PRKN: variants seen among roughly 807,000 people sequenced by gnomAD.
PRKN encodes parkin RBR E3 ubiquitin protein ligase.
In PRKN, 56 loss-of-function variants were observed where a neutral mutation model predicts 59.5. That is an observed-to-expected ratio of 0.94 (90% CI 0.76 to 1.18). The LOEUF (loss-of-function observed/expected upper bound fraction) is 1.18. Ranked by LOEUF, PRKN falls within the 50% of genes most tolerant of loss-of-function variation. The pLI, the probability that PRKN is intolerant of heterozygous loss-of-function variation, is 0.00. For missense variants in PRKN, 657 were observed against 596.4 expected (o/e 1.10, Z -1.06); for synonymous variants, 250 against 222.1 (o/e 1.13, Z -1.12).
chr6:161,757,880 T>TACACACACAC (rs1240058288), intron 7 of PRKN, among the ~76,000 whole-genome samples: 2 of 96,842 alleles, frequency 2.1e-5, no homozygotes, highest in African/African-American at 9.5e-5. Flanking sequence ...TCTGTGTATA[T>TACACACACAC]ATATATACAC....
chr6:162,352,902 T>C (rs1297055430), intron 2 of PRKN, among the ~76,000 whole-genome samples: 1 of 152,154 alleles, frequency 6.6e-6, no homozygotes, highest in Non-Finnish European at 1.5e-5. Context: ...TTTAAGTAGA[T>C]AAGATGAATA....
intron 2 of PRKN, among the ~76,000 whole-genome samples, chr6:162,357,983 G>A (rs1462645557): frequency 2.0e-5 from 3 of 152,116 alleles, no homozygotes; most frequent in Non-Finnish European, 4.4e-5. Flanking sequence ...ACGTTATAAC[G>A]GTGGATACAT....
intron 6 of PRKN, among the ~76,000 whole-genome samples, chr6:161,972,992 A>G (rs979166605): frequency 2.0e-5 from 3 of 152,390 alleles, no homozygotes; most frequent in African/African-American, 7.2e-5. Context: ...ATACTCAAAT[A>G]TGTGAGCTTA....
Position 161,592,722 on chromosome 6 carries a change from T to C in PRKN, c.872-23306A>G, listed in dbSNP as rs1781768307. On this transcript the variant is annotated intron_variant, in intron 7 of 11. Coordinates refer to ENST00000366898, the MANE Select transcript of PRKN (RefSeq NM_004562.3). This position sits in a 1 kb window ranked among gnomAD's most constrained non-coding sequence, Gnocchi z 4.8. ...GCAAAGTCTTCACTAGGGAGGTCCCTTGTGCAGACCAAGGGACAGCCAGGA... is the reference window on the plus strand; with the variant it reads ...GCAAAGTCTTCACTAGGGAGGTCCCCTGTGCAGACCAAGGGACAGCCAGGA... Among the ~76,000 whole-genome samples the C allele has an allele frequency of 1.3e-5, 2 of 152,074 alleles. No homozygotes were observed. Among genetic ancestry groups the C allele is most frequent in the South Asian group, 4.1e-4 (2 of 4,820 alleles).
intron 1 of PRKN, among the ~76,000 whole-genome samples, chr6:162,448,701 C>T (rs1790437902): frequency 1.3e-5 from 2 of 152,090 alleles, no homozygotes; most frequent in South Asian, 2.1e-4. Context: ...TGTATTCTCC[C>T]AGGTGACCTC....
intron 8 of PRKN, among the ~76,000 whole-genome samples, chr6:161,564,935 A>C (rs998863886): frequency 2.0e-5 from 3 of 152,136 alleles, no homozygotes; most frequent in Non-Finnish European, 4.4e-5. Context: ...CTCCTCCACA[A>C]GCTCGATGTG....
Position 161,860,400 on chromosome 6 carries a change from A to C in PRKN, c.735-74492T>G, listed in dbSNP as rs79791065. On this transcript the variant is annotated intron_variant, in intron 6 of 11. Coordinates refer to ENST00000366898, the MANE Select transcript of PRKN (RefSeq NM_004562.3). ...TAGAGACTAGGACACTTGGTGATAA[A>C]GGACTTGAAAAGGAAATTAATATCC... Among the ~76,000 whole-genome samples, 445 of 152,332 alleles carry C rather than the reference A, an allele frequency of 2.9e-3. 3 individuals are homozygous for C. Among genetic ancestry groups the C allele is most frequent in the African/African-American group, 0.01 (417 of 41,586 alleles).
intron 9 of PRKN, among the ~76,000 whole-genome samples, chr6:161,433,764 C>A (rs1172165265): frequency 2.0e-5 from 3 of 152,042 alleles, no homozygotes; most frequent in Non-Finnish European, 1.5e-5. Flanking sequence ...CACCTGTAAT[C>A]CCAGCACTTT....
chr6:162,161,441 T>G (rs1196473297), intron 4 of PRKN, among the ~76,000 whole-genome samples: 2 of 152,138 alleles, frequency 1.3e-5, no homozygotes, highest in East Asian at 3.9e-4. Flanking sequence ...TGCAGTAAAT[T>G]GCGGACTGAA....
intron 6 of PRKN, among the ~76,000 whole-genome samples, chr6:161,942,568 G>C (rs1383384544): frequency 6.6e-6 from 1 of 152,058 alleles, no homozygotes; most frequent in Non-Finnish European, 1.5e-5. Flanking sequence ...ATTCCACTCA[G>C]CAAGATTTTG....
At chr6:162,343,778 T>A (rs1328440425) in intron 2 of PRKN, among the ~76,000 whole-genome samples, 1 of 152,176 alleles carries the variant, frequency 6.6e-6, no homozygotes, top group Non-Finnish European at 1.5e-5. Context: ...ATGCAAGATA[T>A]GCAAAATTTA....
intron 7 of PRKN, among the ~76,000 whole-genome samples, chr6:161,629,756 G>A (rs1390038436): frequency 6.6e-6 from 1 of 152,176 alleles, no homozygotes; most frequent in Non-Finnish European, 1.5e-5. Context: ...GGAAGATGCT[G>A]CACATAAGCT....
At chr6:162,324,388 A>G (rs1240951011) in intron 2 of PRKN, among the ~76,000 whole-genome samples, 1 of 152,182 alleles carries the variant, frequency 6.6e-6, no homozygotes, top group East Asian at 1.9e-4. Flanking sequence ...AGACACTAAA[A>G]TTCACAAACA....
intron 4 of PRKN, among the ~76,000 whole-genome samples, chr6:162,055,669 A>G (rs765773998): frequency 6.6e-6 from 1 of 152,170 alleles, no homozygotes; most frequent in Non-Finnish European, 1.5e-5. Flanking sequence ...GCCACTGCCC[A>G]GTGCAAGGCA....
chr6:162,448,544 T>C (rs1790430920), intron 1 of PRKN, among the ~76,000 whole-genome samples: 1 of 152,154 alleles, frequency 6.6e-6, no homozygotes, highest in African/African-American at 2.4e-5. Flanking sequence ...GCTTCTGTTC[T>C]CATCATCCTT....
intron 1 of PRKN, among the ~76,000 whole-genome samples, chr6:162,692,400 G>A (rs1584058797): frequency 1.3e-5 from 2 of 152,104 alleles, no homozygotes; most frequent in Admixed American, 6.6e-5. Context: ...TCTACCTGGG[G>A]CCTTGGGCCA....
At chr6:161,869,415 G>T (rs141709715) in intron 6 of PRKN, among the ~76,000 whole-genome samples, 271 of 152,100 alleles carry the variant, frequency 1.8e-3, no homozygotes, top group Non-Finnish European at 3.0e-3. Flanking sequence ...TAAAATAAAA[G>T]AAAGGCGATG....
chr6:162,083,892 GA>G (rs1484550855), intron 4 of PRKN, among the ~76,000 whole-genome samples: 1 of 151,954 alleles, frequency 6.6e-6, no homozygotes, highest in Non-Finnish European at 1.5e-5. Flanking sequence ...TTTAAAAATA[GA>G]AAAGTTGGTA....
At chr6:161,898,283 T>TA (rs146172415) in intron 6 of PRKN, among the ~76,000 whole-genome samples, 8,954 of 152,196 alleles carry the variant, frequency 0.059, 804 homozygotes, top group African/African-American at 0.2. Context: ...GTATTTTACT[T>TA]AAAGTTTCAT....
Sources: allele counts gnomAD v4.1 joint callset (sites outside exome capture counted in the v4.1 genomes callset), GRCh38; gene constraint gnomAD v4.1.1; non-coding constraint Gnocchi (gnomAD v3.1); transcripts MANE v1.5; gene names NCBI Gene and HGNC (gene_info 2026-07-23, HGNC 2026-07-21).